Variants in CPNE5 observed in about 807,000 individuals in gnomAD.
The protein encoded by CPNE5 is copine 5.
In CPNE5, 42 loss-of-function variants were observed where a neutral mutation model predicts 81.1. That is an observed-to-expected ratio of 0.52 (90% CI 0.40 to 0.67). The LOEUF (loss-of-function observed/expected upper bound fraction) is 0.67, where lower values mean the gene tolerates loss of function less well. Among genes scored for constraint, CPNE5 ranks in the 30% least tolerant of loss-of-function variants. The pLI, the probability that CPNE5 is intolerant of heterozygous loss-of-function variation, is 0.00. For missense variants in CPNE5, 612 were observed against 815.5 expected (o/e 0.75, Z 3.04); for synonymous variants, 313 against 321.5 (o/e 0.97, Z 0.28).
At chr6:36,805,400 C>T (rs1770500894) in intron 3 of CPNE5, among the ~76,000 whole-genome samples, 1 of 152,260 alleles carries the variant, frequency 6.6e-6, no homozygotes, top group South Asian at 2.1e-4. Flanking sequence ...TCTGTCCACA[C>T]TTTGGGCTCT....
At chr6:36,787,904 C>G (rs1258209163) in intron 8 of CPNE5, among the ~76,000 whole-genome samples, 1 of 152,068 alleles carries the variant, frequency 6.6e-6, no homozygotes, top group Non-Finnish European at 1.5e-5. Flanking sequence ...CTATCCTGAG[C>G]CGGGAAGTCC....
chr6:36,806,586 G>A (rs1277562766), intron 3 of CPNE5, among the ~76,000 whole-genome samples: 1 of 152,194 alleles, frequency 6.6e-6, no homozygotes, highest in Admixed American at 6.5e-5. Context: ...ATACCTTTGA[G>A]AGAAATCTCT....
At chr6:36,806,238 A>T (rs568911456) in intron 3 of CPNE5, among the ~76,000 whole-genome samples, 14 of 152,288 alleles carry the variant, frequency 9.2e-5, no homozygotes, top group Admixed American at 3.9e-4. Flanking sequence ...TCTTCATCCT[A>T]CAGGAGATTG....
intron 9 of CPNE5, 149 bp downstream of exon 9, chr6:36,778,705 C>T: frequency 1.6e-6 from 1 of 623,016 alleles, no homozygotes. Flanking sequence ...ACCCTGGGGC[C>T]CCGGACTTCC....
chr6:36,822,267 G>T, intron 2 of CPNE5, 107 bp from the exon 3 acceptor site: 1 of 856,212 alleles, frequency 1.2e-6, no homozygotes, highest in Non-Finnish European at 1.7e-6. Context: ...GACCCAGCCT[G>T]GGTAGCACTG....
chr6:36,775,474 G>A (rs1767420867), intron 9 of CPNE5, among the ~76,000 whole-genome samples: 1 of 152,186 alleles, frequency 6.6e-6, no homozygotes, highest in Non-Finnish European at 1.5e-5. Flanking sequence ...ATGAGCAGAT[G>A]AACCTCAGGG....
chr6:36,794,085 A>AGCAAACGT, intron 7 of CPNE5, among the ~76,000 whole-genome samples: 1 of 152,044 alleles, frequency 6.6e-6, no homozygotes, highest in South Asian at 2.1e-4. Flanking sequence ...CGAGCAAACG[A>AGCAAACGT]GCAAACGTGA....
At chr6:36,761,439 C>T in intron 12 of CPNE5, among the ~76,000 whole-genome samples, 1 of 151,022 alleles carries the variant, frequency 6.6e-6, no homozygotes, top group South Asian at 2.1e-4. Flanking sequence ...CTCACCAGCC[C>T]TTGGAAAGTC....
intron 3 of CPNE5, among the ~76,000 whole-genome samples, chr6:36,807,976 C>T (rs1368762161): frequency 6.6e-6 from 1 of 152,162 alleles, no homozygotes; most frequent in Non-Finnish European, 1.5e-5. Flanking sequence ...ATGGAAGCCA[C>T]GTAGTGAAAG....
At chr6:36,808,587 C>T (rs1406974815) in intron 3 of CPNE5, among the ~76,000 whole-genome samples, 4 of 152,084 alleles carry the variant, frequency 2.6e-5, no homozygotes, top group Non-Finnish European at 5.9e-5. Flanking sequence ...GTGTTGCTTA[C>T]GATCTGCCTG....
At chr6:36,767,062 G>T (rs1374690613) in intron 10 of CPNE5, among the ~76,000 whole-genome samples, 3 of 152,154 alleles carry the variant, frequency 2.0e-5, no homozygotes, top group South Asian at 2.1e-4. Context: ...CACCATGTTG[G>T]CCAGGCTGGC....
chr6:36,826,363 C>A (rs1184864923), intron 1 of CPNE5, among the ~76,000 whole-genome samples: 3 of 152,166 alleles, frequency 2.0e-5, no homozygotes, highest in Admixed American at 6.5e-5. Context: ...GCAACCAGCA[C>A]CCCAGGATAA....
intron 7 of CPNE5, 69 bp from the exon 8 acceptor site, chr6:36,792,165 A>G (rs1769156658): frequency 6.8e-7 from 1 of 1,477,092 alleles, no homozygotes; most frequent in Non-Finnish European, 9.5e-7. Context: ...ACACTCCCTC[A>G]ATCAGCCCCC....
intron 1 of CPNE5, among the ~76,000 whole-genome samples, chr6:36,834,566 G>C (rs1773295175): frequency 6.6e-6 from 1 of 151,570 alleles, no homozygotes; most frequent in South Asian, 2.1e-4. Flanking sequence ...TGAGGCAGGA[G>C]AATCGCTTGA....
At chr6:36,744,131 C>T (rs529579412) in intron 19 of CPNE5, 137 bp downstream of exon 19, 25 of 764,290 alleles carry the variant, frequency 3.3e-5, no homozygotes, top group Non-Finnish European at 5.4e-5. Context: ...CCCAGACACA[C>T]ACGCCCAGGC....
At chr6:36,788,207 A>T (rs551915959) in intron 8 of CPNE5, among the ~76,000 whole-genome samples, 93 of 149,056 alleles carry the variant, frequency 6.2e-4, no homozygotes, top group African/African-American at 2.1e-3. Context: ...ATTTAAAAAA[A>T]TTTTTTTGTA....
At chr6:36,761,338 A>G (rs1265012249) in intron 12 of CPNE5, among the ~76,000 whole-genome samples, 2 of 152,256 alleles carry the variant, frequency 1.3e-5, no homozygotes, top group Non-Finnish European at 2.9e-5. Context: ...AGCCATGTTC[A>G]ATCTCATTCA....
chr6:36,817,604 T>A (rs1278936090), intron 3 of CPNE5, among the ~76,000 whole-genome samples: 1 of 152,204 alleles, frequency 6.6e-6, no homozygotes, highest in Non-Finnish European at 1.5e-5. Context: ...CTCCTCTGTC[T>A]GTGCTGGACA....
chr6:36,756,909 G>T (rs564778243), intron 12 of CPNE5, among the ~76,000 whole-genome samples: 2 of 152,338 alleles, frequency 1.3e-5, no homozygotes, highest in East Asian at 3.9e-4. Context: ...AGGCTTGTTG[G>T]TGGCTAACTC....
Sources: allele counts gnomAD v4.1 joint callset (sites outside exome capture counted in the v4.1 genomes callset), GRCh38; gene constraint gnomAD v4.1.1; transcripts MANE v1.5; gene names NCBI Gene and HGNC (gene_info 2026-07-23, HGNC 2026-07-21).